BABAM2: variants seen among roughly 807,000 people sequenced by gnomAD.
The protein encoded by BABAM2 is BRISC and BRCA1 A complex member 2.
In BABAM2, 31 loss-of-function variants were observed where a neutral mutation model predicts 54.7. The observed-to-expected ratio is 0.57, with a 90% CI of 0.43 to 0.77. The LOEUF is 0.77. Ranked by LOEUF, BABAM2 falls within the 30% of genes least tolerant of loss-of-function variation. BABAM2 has a pLI of 0.00. For synonymous variants in BABAM2, 167 were observed against 162.9 expected (o/e 1.03, Z -0.19); for missense variants, 364 against 455.8 (o/e 0.80, Z 1.83).
chr2:28,138,975 T>G (rs1670781045), intron 7 of BABAM2, among the ~76,000 whole-genome samples: 1 of 152,154 alleles, frequency 6.6e-6, no homozygotes, highest in Non-Finnish European at 1.5e-5. Flanking sequence ...GCAGGAAAAC[T>G]GCATATGACA....
chr2:28,331,192 A>T (rs891427309), intron 11 of BABAM2, among the ~76,000 whole-genome samples: 1 of 152,238 alleles, frequency 6.6e-6, no homozygotes, highest in Non-Finnish European at 1.5e-5. Flanking sequence ...TAAAGACTTA[A>T]ATATAAAACC....
chr2:28,093,931 G>A (rs914406815), intron 6 of BABAM2, among the ~76,000 whole-genome samples: 5 of 152,248 alleles, frequency 3.3e-5, no homozygotes, highest in Non-Finnish European at 7.4e-5. Context: ...GTACAATAGT[G>A]TATATGGGAA....
intron 6 of BABAM2, among the ~76,000 whole-genome samples, chr2:28,058,920 C>G (rs905040010): frequency 6.6e-6 from 1 of 152,160 alleles, no homozygotes; most frequent in South Asian, 2.1e-4. Context: ...ACAACGGCTC[C>G]TTCACTGTGG....
At position 28,172,568 on chromosome 2, in the gene BABAM2, T is replaced by G. The variant is rs145666119; in HGVS notation, c.680+43188T>G. On this transcript the variant is annotated intron_variant, in intron 7 of 11. Transcript: ENST00000379624. ...TCCCCAAAGTATCCTAGAACTGCAC[T>G]TTCTATCAACTTATGTTTCCCTGTG... 2.0e-4 allele frequency among the ~76,000 whole-genome samples: 30 copies of G among 152,336 alleles called. 1 individual carries two copies. In the East Asian group the frequency reaches 5.8e-3, roughly 29 times the overall value.
At chr2:28,172,318 G>T (rs947302044) in intron 7 of BABAM2, among the ~76,000 whole-genome samples, 1 of 152,148 alleles carries the variant, frequency 6.6e-6, no homozygotes, top group African/African-American at 2.4e-5. Context: ...ACAAGGACAG[G>T]TTCTTAGGAG....
chr2:28,068,092 T>G (rs1034597112), intron 6 of BABAM2, among the ~76,000 whole-genome samples: 1 of 152,174 alleles, frequency 6.6e-6, no homozygotes, highest in Non-Finnish European at 1.5e-5. Context: ...AATTAAAATC[T>G]TAAATCTAAA....
At chr2:28,172,790 A>G (rs1350482255) in intron 7 of BABAM2, among the ~76,000 whole-genome samples, 1 of 152,206 alleles carries the variant, frequency 6.6e-6, no homozygotes, top group Non-Finnish European at 1.5e-5. Flanking sequence ...GGAGTTTACA[A>G]TTTAAAGCAG....
intron 5 of BABAM2, among the ~76,000 whole-genome samples, chr2:28,028,456 C>T (rs1011355344): frequency 1.3e-5 from 2 of 151,986 alleles, no homozygotes; most frequent in East Asian, 1.9e-4. Context: ...TACCAGAGAC[C>T]GCTGGGAGCC....
intron 6 of BABAM2, among the ~76,000 whole-genome samples, chr2:28,048,944 G>A (rs1677804179): frequency 6.6e-6 from 1 of 152,150 alleles, no homozygotes; most frequent in Non-Finnish European, 1.5e-5. Context: ...GAGAATTAGT[G>A]AACTTAACAA....
chr2:28,185,429 C>T (rs56048418), intron 7 of BABAM2, among the ~76,000 whole-genome samples: 33,801 of 152,108 alleles, frequency 0.22, 4,705 homozygotes, highest in Non-Finnish European at 0.32. Context: ...TAAATAGCTT[C>T]GTGGATGATC....
intron 6 of BABAM2, among the ~76,000 whole-genome samples, chr2:28,049,075 A>G (rs758490283): frequency 2.6e-5 from 4 of 152,254 alleles, no homozygotes; most frequent in Non-Finnish European, 4.4e-5. Context: ...TCTCTGAACA[A>G]GAAGCTTAGA....
At chr2:28,042,630 G>A (rs1677194871) in intron 5 of BABAM2, among the ~76,000 whole-genome samples, 1 of 152,062 alleles carries the variant, frequency 6.6e-6, no homozygotes, top group African/African-American at 2.4e-5. Context: ...GCTGACTGGT[G>A]AGGGCTTAAG....
intron 7 of BABAM2, among the ~76,000 whole-genome samples, chr2:28,212,615 C>T (rs1679568779): frequency 6.6e-6 from 1 of 152,084 alleles, no homozygotes; most frequent in Non-Finnish European, 1.5e-5. Context: ...GTTTTTTAGG[C>T]CAGAGTCACT....
At chr2:27,894,457 T>C in intron 1 of BABAM2, 76 bp from the exon 2 acceptor site, 4 of 1,380,192 alleles carry the variant, frequency 2.9e-6, no homozygotes, top group South Asian at 2.5e-5. Context: ...TGCTGTATGC[T>C]GTCCAGTTTT....
chr2:28,186,907 G>A (rs752661264), intron 7 of BABAM2, among the ~76,000 whole-genome samples: 5 of 151,448 alleles, frequency 3.3e-5, no homozygotes, highest in African/African-American at 4.9e-5. Context: ...CCAGGTTCAC[G>A]CCATTCTCCT....
intron 5 of BABAM2, among the ~76,000 whole-genome samples, chr2:28,032,737 G>A (rs1676389345): frequency 6.6e-6 from 1 of 152,110 alleles, no homozygotes; most frequent in Admixed American, 6.6e-5. Context: ...CAAGCTTAAT[G>A]TTAAGAATGA....
intron 7 of BABAM2, among the ~76,000 whole-genome samples, chr2:28,224,572 A>G (rs1680702072): frequency 6.6e-6 from 1 of 152,182 alleles, no homozygotes; most frequent in South Asian, 2.1e-4. Flanking sequence ...GCGTGCCTGA[A>G]TGGTGCTCAA....
At chr2:28,133,838 G>C (rs1275423539) in intron 7 of BABAM2, among the ~76,000 whole-genome samples, 1 of 152,164 alleles carries the variant, frequency 6.6e-6, no homozygotes, top group Non-Finnish European at 1.5e-5. Flanking sequence ...CAGATTCATT[G>C]GTAGAAGACT....
chr2:28,286,881 G>T (rs1686865963), intron 10 of BABAM2, among the ~76,000 whole-genome samples: 2 of 152,042 alleles, frequency 1.3e-5, no homozygotes, highest in South Asian at 4.1e-4. Flanking sequence ...GGGAATGTTT[G>T]TCAGTTTGGA....
Sources: allele counts gnomAD v4.1 joint callset (sites outside exome capture counted in the v4.1 genomes callset), GRCh38; gene constraint gnomAD v4.1.1; transcripts MANE v1.5; gene names NCBI Gene and HGNC (gene_info 2026-07-23, HGNC 2026-07-21).